ANO3: variants seen among roughly 807,000 people sequenced by gnomAD.
ANO3 encodes anoctamin-3.
ANO3 carries 99 observed loss-of-function variants against 144.8 expected under a neutral mutation model. The observed-to-expected ratio is 0.68, with a 90% CI of 0.58 to 0.81. The LOEUF is 0.81. Ranked by LOEUF, ANO3 falls within the 30% of genes least tolerant of loss-of-function variation. The pLI, the probability that ANO3 is intolerant of heterozygous loss-of-function variation, is 0.00. For synonymous variants in ANO3, 414 were observed against 392.6 expected, an observed-to-expected ratio of 1.05 and a Z score of -0.64; for missense variants, 905 against 1,202.2, an observed-to-expected ratio of 0.75 and a Z score of 3.66.
intron 1 of ANO3, among the ~76,000 whole-genome samples, chr11:26,222,467 C>A (rs2133793504): frequency 6.6e-6 from 1 of 152,312 alleles, no homozygotes; most frequent in African/African-American, 2.4e-5. Context: ...TGGAGAGTGG[C>A]AGCTCCCTTC....
chr11:26,254,706 C>T (rs1853015909), intron 1 of ANO3, among the ~76,000 whole-genome samples: 1 of 152,104 alleles, frequency 6.6e-6, no homozygotes, highest in Non-Finnish European at 1.5e-5. Context: ...AGAACACACA[C>T]TAAGCAAATA....
At chr11:26,580,274 T>C (rs568380362) in intron 14 of ANO3, among the ~76,000 whole-genome samples, 1 of 152,120 alleles carries the variant, frequency 6.6e-6, no homozygotes, top group Non-Finnish European at 1.5e-5. Flanking sequence ...AAAGGGAATA[T>C]AAAAGTAATT....
At chr11:26,260,029 A>G (rs1199575043) in intron 1 of ANO3, among the ~76,000 whole-genome samples, 1 of 148,362 alleles carries the variant, frequency 6.7e-6, no homozygotes, top group Admixed American at 6.7e-5. Context: ...CCATGAAGGG[A>G]TTTAAAATTT....
At chr11:26,343,674 A>G (rs933492585) in intron 1 of ANO3, among the ~76,000 whole-genome samples, 5 of 152,248 alleles carry the variant, frequency 3.3e-5, no homozygotes, top group African/African-American at 9.6e-5. Flanking sequence ...GATAGATTGT[A>G]GTTGATAACT....
chr11:26,585,254 A>G (rs293994), intron 14 of ANO3, among the ~76,000 whole-genome samples: 132,889 of 152,068 alleles, frequency 0.87, 58,402 homozygotes, highest in East Asian at 0.96. Context: ...AACAATTAGT[A>G]CTAATGCTTT....
At chr11:26,572,326 A>G (rs1850861357) in intron 14 of ANO3, 10 of 801,794 alleles carry the variant, frequency 1.2e-5, no homozygotes, top group Non-Finnish European at 1.4e-5. Flanking sequence ...CAGTTTTCAT[A>G]GGTTGATCGT....
intron 5 of ANO3, among the ~76,000 whole-genome samples, chr11:26,514,946 A>G (rs1263485792): frequency 6.6e-6 from 1 of 152,052 alleles, no homozygotes; most frequent in Non-Finnish European, 1.5e-5. Flanking sequence ...CTTTTCTCTG[A>G]TCAGTGACAG....
chr11:26,639,943 T>C (rs538468677), intron 21 of ANO3, among the ~76,000 whole-genome samples: 3 of 152,364 alleles, frequency 2.0e-5, no homozygotes, highest in Non-Finnish European at 4.4e-5. Context: ...AATAATTTCC[T>C]GACTATTGGG....
intron 4 of ANO3, among the ~76,000 whole-genome samples, chr11:26,480,945 A>G (rs1011110101): frequency 5.3e-5 from 8 of 152,192 alleles, no homozygotes; most frequent in African/African-American, 1.7e-4. Context: ...GTGACATTGG[A>G]AAATTGTTTA....
At position 26,486,253 on chromosome 11, in the gene ANO3, C is replaced by T. The variant is rs542245597; in HGVS notation, c.433-21851C>T. Among the ~76,000 whole-genome samples the T allele has an allele frequency of 1.6e-4, 24 of 147,964 alleles. No homozygotes were observed. In the South Asian group the frequency reaches 4.0e-3, roughly 24 times the overall value. On this transcript the variant is annotated intron_variant, in intron 4 of 26. Coordinates refer to ENST00000256737, the MANE Select transcript of ANO3 (RefSeq NM_031418.4). ...GCGTGCACCTGTAGTTTCAGCTACTCGGGAGGCTGAGGCAGAAGACTCACT... is the reference window on the plus strand; with the variant it reads ...GCGTGCACCTGTAGTTTCAGCTACTTGGGAGGCTGAGGCAGAAGACTCACT...
At chr11:26,412,795 A>AGAGTGTGTGTGTGTGT (rs376311761) in intron 1 of ANO3, among the ~76,000 whole-genome samples, 1 of 140,130 alleles carries the variant, frequency 7.1e-6, no homozygotes, top group Non-Finnish European at 1.5e-5. Context: ...GAGAAAGGAA[A>AGAGTGTGTGTGTGTGT]GTGTGTGTGT....
intron 4 of ANO3, among the ~76,000 whole-genome samples, chr11:26,470,686 A>G (rs529825434): frequency 3.3e-5 from 5 of 152,134 alleles, no homozygotes; most frequent in African/African-American, 1.2e-4. Context: ...TGCCAATTCT[A>G]TAAAAATATC....
intron 11 of ANO3, among the ~76,000 whole-genome samples, chr11:26,546,240 G>A (rs1442952513): frequency 6.6e-6 from 1 of 151,614 alleles, no homozygotes; most frequent in East Asian, 1.9e-4. Context: ...TATTGTATGA[G>A]AAATGAATGT....
intron 1 of ANO3, among the ~76,000 whole-genome samples, chr11:26,236,817 C>CAAAAAA (rs55979503): frequency 2.3e-5 from 2 of 86,734 alleles, no homozygotes; most frequent in Non-Finnish European, 4.5e-5. Flanking sequence ...GACTCCGTCT[C>CAAAAAA]AAAAAAAAAA....
intron 10 of ANO3, among the ~76,000 whole-genome samples, chr11:26,540,404 A>G (rs1293899832): frequency 2.0e-5 from 3 of 152,152 alleles, no homozygotes; most frequent in Non-Finnish European, 4.4e-5. Flanking sequence ...AAAAACTCTC[A>G]ATAAACTAGG....
intron 6 of ANO3, among the ~76,000 whole-genome samples, chr11:26,521,317 T>C (rs1272255566): frequency 2.0e-5 from 3 of 152,218 alleles, no homozygotes; most frequent in Non-Finnish European, 4.4e-5. Flanking sequence ...AAAATTTTAC[T>C]CATACAGAGC....
intron 1 of ANO3, among the ~76,000 whole-genome samples, chr11:26,281,473 C>T (rs1272854510): frequency 6.6e-6 from 1 of 152,134 alleles, no homozygotes; most frequent in Non-Finnish European, 1.5e-5. Context: ...CCAAACTCCA[C>T]CTCAGATGAC....
At chr11:26,412,804 G>GTGTT (rs1392515046) in intron 1 of ANO3, among the ~76,000 whole-genome samples, 1 of 150,872 alleles carries the variant, frequency 6.6e-6, no homozygotes, top group African/African-American at 2.4e-5. Context: ...AAGTGTGTGT[G>GTGTT]TGTGTGTGTG....
At chr11:26,629,746 C>T (rs1164803584) in intron 18 of ANO3, among the ~76,000 whole-genome samples, 1 of 152,152 alleles carries the variant, frequency 6.6e-6, no homozygotes, top group East Asian at 1.9e-4. Context: ...GTCCTCTTGC[C>T]TCAGCCTCCC....
Sources: gnomAD v4.1 joint callset for allele counts (sites outside exome capture counted in the v4.1 genomes callset) on GRCh38, gnomAD v4.1.1 for gene constraint, MANE v1.5 for transcripts, NCBI Gene and HGNC (gene_info 2026-07-23, HGNC 2026-07-21) for gene names.